ADAMTSL3: variants seen among roughly 807,000 people sequenced by gnomAD.
ADAMTSL3 encodes ADAMTS like 3, also known as ADAMTS-like protein 3.
Under a neutral mutation model 201.7 loss-of-function variants are expected in ADAMTSL3, and 128 were observed. The observed-to-expected ratio is 0.63, with a 90% CI of 0.55 to 0.73. ADAMTSL3 has a LOEUF of 0.73. Among genes scored for constraint, ADAMTSL3 ranks in the 30% least tolerant of loss-of-function variants. The pLI is 0.00. For missense variants in ADAMTSL3, 1,990 were observed against 2,119.6 expected (o/e 0.94, Z 1.20); for synonymous variants, 738 against 748.4 (o/e 0.99, Z 0.23).
chr15:83,777,816 G>A (rs989071771), intron 4 of ADAMTSL3, among the ~76,000 whole-genome samples: 1 of 152,184 alleles, frequency 6.6e-6, no homozygotes, highest in African/African-American at 2.4e-5. Context: ...GGACAGAAAT[G>A]AAGATCCTTG....
chr15:83,868,267 C>T (rs929288040), intron 8 of ADAMTSL3, among the ~76,000 whole-genome samples: 7 of 152,078 alleles, frequency 4.6e-5, no homozygotes, highest in African/African-American at 1.4e-4. Flanking sequence ...ACATTGTGAA[C>T]AACATGGGGC....
chr15:84,003,860 C>A (rs965553146), intron 23 of ADAMTSL3, among the ~76,000 whole-genome samples: 1 of 152,150 alleles, frequency 6.6e-6, no homozygotes, highest in Non-Finnish European at 1.5e-5. Flanking sequence ...TAGTTCATTC[C>A]GGCTGCTATG....
chr15:83,982,361 G>C lies in ADAMTSL3; in HGVS notation c.2733G>C (p.Glu911Asp). 1 of 1,614,052 alleles carries C rather than the reference G, an allele frequency of 6.2e-7. No individual in the cohort carries two copies. The highest frequency in any genetic ancestry group is 8.5e-7 in the Non-Finnish European group (1 of 1,180,016). The change falls in exon 21 of 30, where the codon GAG becomes GAC. Residue 911 changes from glutamate to aspartate, a missense_variant. Glu to Asp is a conservative substitution (Grantham distance 45). Transcript: ENST00000286744. ...GAGTCTACATTCAGACAAGGGAAGA[G>C]AAGCGTATTAACCTGACCATTGGTA... The part of the protein sequence containing the change: ...VQRVYIQTRE[E>D]KRINLTIGSR...
At chr15:83,963,471 G>A (rs1411486404) in intron 19 of ADAMTSL3, among the ~76,000 whole-genome samples, 6 of 152,168 alleles carry the variant, frequency 3.9e-5, no homozygotes, top group Non-Finnish European at 5.9e-5. Flanking sequence ...CCTCCCTTCT[G>A]GCAGGGCATC....
intron 7 of ADAMTSL3, among the ~76,000 whole-genome samples, chr15:83,846,260 TTAACA>T (rs1417568157): frequency 2.0e-5 from 3 of 152,220 alleles, no homozygotes; most frequent in African/African-American, 7.2e-5. Flanking sequence ...TTATTTATTC[TTAACA>T]TAACCCTGCA....
intron 16 of ADAMTSL3, among the ~76,000 whole-genome samples, chr15:83,920,031 A>G (rs984177499): frequency 6.6e-6 from 1 of 152,346 alleles, no homozygotes; most frequent in East Asian, 1.9e-4. Context: ...ATTTTATTAT[A>G]TACTGCTGAT....
At chr15:83,921,108 C>A (rs765454440) in intron 16 of ADAMTSL3, among the ~76,000 whole-genome samples, 14 of 152,188 alleles carry the variant, frequency 9.2e-5, no homozygotes, top group Non-Finnish European at 1.9e-4. Context: ...TCTCCCTTTT[C>A]CTGCCACAAA....
intron 19 of ADAMTSL3, 137 bp from the exon 20 acceptor site, chr15:83,970,347 A>G: frequency 2.2e-6 from 2 of 924,154 alleles, no homozygotes; most frequent in Non-Finnish European, 3.3e-6. Flanking sequence ...AAGATGTTCA[A>G]GCCTAGGAAA....
intron 19 of ADAMTSL3, among the ~76,000 whole-genome samples, chr15:83,946,245 T>TAGAGTGGAGGCTAGCGGA (rs1555463618): frequency 4.6e-5 from 7 of 152,220 alleles, no homozygotes; most frequent in Non-Finnish European, 8.8e-5. Context: ...ATCACCACTT[T>TAGAGTGGAGGCTAGCGGA]CCTCCGTGTC....
intron 6 of ADAMTSL3, among the ~76,000 whole-genome samples, chr15:83,832,925 G>C (rs79346548): frequency 7.5e-4 from 114 of 152,252 alleles, no homozygotes; most frequent in African/African-American, 2.6e-3. Flanking sequence ...CAGCTCTGCA[G>C]ACCAAGTTTG....
At chr15:83,746,141 T>C (rs1303855336) in intron 3 of ADAMTSL3, among the ~76,000 whole-genome samples, 2 of 81,690 alleles carry the variant, frequency 2.4e-5, no homozygotes, top group African/African-American at 5.1e-5. Context: ...AAGCACCACA[T>C]TGAATTCCAA....
chr15:84,027,373 T>C (rs73445113), intron 27 of ADAMTSL3, among the ~76,000 whole-genome samples: 6,404 of 152,280 alleles, frequency 0.042, 428 homozygotes, highest in African/African-American at 0.15. Flanking sequence ...CACCCCTAGG[T>C]ATGTATCCAA....
intron 7 of ADAMTSL3, among the ~76,000 whole-genome samples, chr15:83,853,260 G>A (rs910102207): frequency 4.6e-5 from 7 of 152,002 alleles, no homozygotes; most frequent in African/African-American, 1.7e-4. Flanking sequence ...ATTATTCTTG[G>A]TATTTCTAAA....
chr15:84,014,371 C>T (rs185167965), intron 23 of ADAMTSL3, among the ~76,000 whole-genome samples, 171 bp from the exon 24 acceptor site: 3 of 152,342 alleles, frequency 2.0e-5, no homozygotes, highest in Admixed American at 2.0e-4. Flanking sequence ...TAAGAGGATC[C>T]TCCATCTGCC....
chr15:83,687,812 G>A (rs985503554), intron 2 of ADAMTSL3, among the ~76,000 whole-genome samples: 2 of 152,190 alleles, frequency 1.3e-5, no homozygotes, highest in African/African-American at 4.8e-5. Flanking sequence ...AAACAGTACT[G>A]ATGGCGGGGA....
rs1037094872 is a variant in ADAMTSL3 at position 83,674,772 on chromosome 15, T to TACACACATATATAC, written c.69+18943_69+18944insCACACATATATACA. ...ATATATACACACATATATACATATA[T>TACACACATATATAC]ATATATATATATATATAAATCTTGC... On this transcript the variant is annotated intron_variant, in intron 2 of 29. Coordinates refer to ENST00000286744, the MANE Select transcript of ADAMTSL3 (RefSeq NM_207517.3). Among the ~76,000 whole-genome samples the TACACACATATATAC allele has an allele frequency of 2.0e-3, 262 of 128,042 alleles. 1 individual carries two copies. The highest frequency in any genetic ancestry group is 4.2e-3 in the Middle Eastern group (1 of 236). The allele number at this position is 128,042 out of a possible 152,430, so 84.0% of individuals were successfully genotyped here. A position where few individuals can be genotyped will look rare whatever the true frequency, so the allele number is the denominator to read the frequency against.
rs77345866 is a variant in ADAMTSL3 at position 83,909,026 on chromosome 15, T to A, written c.1701-4066T>A. On this transcript the variant is annotated intron_variant, in intron 15 of 29. Transcript: ENST00000286744. ...TTGTTTTCAATTTCTAGAGGCCACCTGCATTCCTTGGCTGATGGTCTCATC... is the reference window on the plus strand; with the variant it reads ...TTGTTTTCAATTTCTAGAGGCCACCAGCATTCCTTGGCTGATGGTCTCATC... 8.6e-3 allele frequency among the ~76,000 whole-genome samples: 1,305 copies of A among 152,358 alleles called. 16 individuals carry two copies. The highest frequency in any genetic ancestry group is 0.029 in the African/African-American group (1,219 of 41,590).
intron 26 of ADAMTSL3, among the ~76,000 whole-genome samples, chr15:84,023,288 T>C (rs888204259): frequency 5.3e-5 from 8 of 152,204 alleles, no homozygotes; most frequent in African/African-American, 1.7e-4. Context: ...AAAGCATTTG[T>C]TGAGTACAAA....
intron 3 of ADAMTSL3, among the ~76,000 whole-genome samples, chr15:83,752,296 T>C (rs1413446497): frequency 2.0e-5 from 3 of 152,224 alleles, no homozygotes; most frequent in Non-Finnish European, 4.4e-5. Flanking sequence ...GATACTTTGC[T>C]GTAATAGACC....
Sources: allele counts gnomAD v4.1 joint callset (sites outside exome capture counted in the v4.1 genomes callset), GRCh38; gene constraint gnomAD v4.1.1; transcripts MANE v1.5; gene names NCBI Gene and HGNC (gene_info 2026-07-23, HGNC 2026-07-21).